The following FKTN variants were observed in gnomAD, a reference collection of about 807,000 sequenced individuals.
FKTN encodes the protein ribitol-5-phosphate transferase FKTN.
Under a neutral mutation model 58.6 loss-of-function variants are expected in FKTN, and 47 were observed. The observed-to-expected ratio is 0.80, with a 90% CI of 0.63 to 1.02. The LOEUF (loss-of-function observed/expected upper bound fraction) is 1.02, where lower values mean the gene tolerates loss of function less well. Among genes scored for constraint, FKTN ranks in the 50% least tolerant of loss-of-function variants. The probability of loss-of-function intolerance (pLI) is 0.00; values close to 1 mark genes in which losing one functional copy is unlikely to be tolerated. For missense variants in FKTN, 516 were observed against 537.3 expected (o/e 0.96, Z 0.39); for synonymous variants, 178 against 191.9 (o/e 0.93, Z 0.60).
rs76300955 is a variant in FKTN at position 105,586,578 on chromosome 9, A to G, written c.106-10020A>G. On this transcript the variant is annotated intron_variant, in intron 3 of 10. Coordinates refer to ENST00000357998, the MANE Select transcript of FKTN (RefSeq NM_001079802.2). ...GATAAATAGAACACAGGCCCTACTC[A>G]TGAAACTCATAATTTGATAGACATG... is the stretch of plus-strand genomic sequence containing the variant. Among the ~76,000 whole-genome samples the G allele has an allele frequency of 9.1e-3, 1,383 of 152,360 alleles. 22 individuals carry two copies. Among genetic ancestry groups the G allele is most frequent in the African/African-American group, 0.032 (1,325 of 41,590 alleles).
chr9:105,561,500 A>G (rs756502439), intron 1 of FKTN, among the ~76,000 whole-genome samples: 1 of 152,166 alleles, frequency 6.6e-6, no homozygotes, highest in Non-Finnish European at 1.5e-5. Context: ...CCCAAAGACA[A>G]TCCTTGCTGT....
At chr9:105,620,094 TA>T in intron 10 of FKTN, 33 bp downstream of exon 10, 1 of 1,568,704 alleles carries the variant, frequency 6.4e-7, no homozygotes, top group Non-Finnish European at 8.8e-7. Context: ...TTTATAAAGG[TA>T]CTACAGAAAT....
Position 105,601,324 on chromosome 9 carries a change from G to A in FKTN, c.345G>A (p.Leu115=). Reference sequence around the variant, plus strand: ...CAAGAGACTTTACTGCATTTGCACTGCAGTATCACCTATGGAAGAATGAGG... The same window carrying A: ...CAAGAGACTTTACTGCATTTGCACTACAGTATCACCTATGGAAGAATGAGG... ...CVPRDFTAFA[L]QYHLWKNEEG... is the part of the protein sequence containing the mutation. Residue 115 remains leucine (L), a synonymous_variant, in exon 5 of 11, where the codon CTG becomes CTA. Coordinates refer to ENST00000357998, the MANE Select transcript of FKTN (RefSeq NM_001079802.2). The A allele has an allele frequency of 6.2e-7, 1 of 1,608,604 alleles. No individual in the cohort carries two copies. The highest frequency in any genetic ancestry group is 8.5e-7 in the Non-Finnish European group (1 of 1,177,332).
intron 1 of FKTN, among the ~76,000 whole-genome samples, chr9:105,564,040 A>G (rs367984332): frequency 1.3e-5 from 2 of 152,178 alleles, no homozygotes; most frequent in South Asian, 2.1e-4. Flanking sequence ...GGCAAACAGG[A>G]TCTGGAGTGG....
In FKTN at chr9:105,607,737, G is replaced by A. The variant is rs191273380; in HGVS notation, c.648-82G>A. 6 of 1,240,772 alleles carry A rather than the reference G, an allele frequency of 4.8e-6. No individual in the cohort carries two copies. The African/African-American group carries it at 7.4e-5, about 15-fold the overall frequency. The allele number at this position is 1,240,772 out of a possible 1,614,324, so 76.9% of individuals were successfully genotyped here. A position where few individuals can be genotyped will look rare whatever the true frequency, so the allele number is the denominator to read the frequency against. On this transcript the variant is annotated intron_variant, in intron 6 of 10. Coordinates refer to ENST00000357998, the MANE Select transcript of FKTN (RefSeq NM_001079802.2). ...ACCTGTTATCTAGGTTTTAAGCTCT[G>A]CACGCATTAGGTATTTGTCCTAATG...
At chr9:105,610,723 T>C (rs772520280) in intron 7 of FKTN, among the ~76,000 whole-genome samples, 9 of 152,002 alleles carry the variant, frequency 5.9e-5, no homozygotes, top group Non-Finnish European at 1.3e-4. Flanking sequence ...GACACTCTCC[T>C]ACTCTCTTCA....
At chr9:105,617,457 T>C (rs1211400934) in intron 8 of FKTN, among the ~76,000 whole-genome samples, 2 of 152,222 alleles carry the variant, frequency 1.3e-5, no homozygotes, top group Admixed American at 1.3e-4. Context: ...GAAAAATATA[T>C]TGGTTAAGCA....
At chr9:105,605,400 T>G (rs1366308311) in intron 6 of FKTN, among the ~76,000 whole-genome samples, 1 of 152,208 alleles carries the variant, frequency 6.6e-6, no homozygotes. Context: ...AATTATGAAC[T>G]AATCTTTAAA....
At chr9:105,587,519 G>T in intron 3 of FKTN, among the ~76,000 whole-genome samples, 1 of 152,066 alleles carries the variant, frequency 6.6e-6, no homozygotes, top group East Asian at 1.9e-4. Flanking sequence ...TCACTTTTGG[G>T]CTTCTTCCAT....
chr9:105,565,149 C>T (rs74492526), intron 1 of FKTN, among the ~76,000 whole-genome samples: 1 of 152,106 alleles, frequency 6.6e-6, no homozygotes, highest in Non-Finnish European at 1.5e-5. Flanking sequence ...CTGAAGGGAG[C>T]ACTAAACATG....
chr9:105,562,679 G>A (rs1838518464), intron 1 of FKTN, among the ~76,000 whole-genome samples: 1 of 152,174 alleles, frequency 6.6e-6, no homozygotes, highest in Non-Finnish European at 1.5e-5. Context: ...AGGTTAAACT[G>A]TAAACTAAAT....
chr9:105,594,995 T>C (rs541241943), intron 3 of FKTN, among the ~76,000 whole-genome samples: 32 of 152,314 alleles, frequency 2.1e-4, no homozygotes, highest in Admixed American at 5.9e-4. Flanking sequence ...AATGGAATAT[T>C]AGCCATAAAA....
chr9:105,597,754 A>G (rs569388106), intron 4 of FKTN, among the ~76,000 whole-genome samples: 68 of 152,252 alleles, frequency 4.5e-4, no homozygotes, highest in African/African-American at 1.3e-3. Context: ...AACAGGGGTG[A>G]TCTTTCATAC....
At position 105,596,645 on chromosome 9, in the gene FKTN, T is replaced by G. The variant is rs376468584; in HGVS notation, c.153T>G (p.Asp51Glu). 2.5e-6 allele frequency: 4 copies of G among 1,607,736 alleles called. No individual in the cohort carries two copies. The highest frequency in any genetic ancestry group is 3.4e-6 in the Non-Finnish European group (4 of 1,174,464). The change falls in exon 4 of 11, where the codon GAT becomes GAG. Residue 51 changes from aspartate (D) to glutamate (E), a missense_variant. By Grantham distance (45) the Asp-to-Glu change is conservative. Coordinates refer to ENST00000357998, the MANE Select transcript of FKTN (RefSeq NM_001079802.2). Reference protein sequence around the residue: ...SKSKGSRIGFDSTQWRAVKKF... With the variant: ...SKSKGSRIGFESTQWRAVKKF... ...CCAAAGGAAGCCGAATTGGATTTGA[T>G]AGCACACAGTGGGTATGTAGAATAA...
intron 3 of FKTN, among the ~76,000 whole-genome samples, chr9:105,588,831 A>C (rs1294369536): frequency 3.3e-5 from 5 of 152,246 alleles, no homozygotes; most frequent in African/African-American, 1.2e-4. Flanking sequence ...TTGGGGAGGC[A>C]GACCTTTATG....
At chr9:105,624,311 A>G (rs1008977354) in intron 10 of FKTN, 1 of 152,146 alleles carries the variant, frequency 6.6e-6, no homozygotes, top group African/African-American at 2.4e-5. Flanking sequence ...CAGGTCAGTC[A>G]TTAGTAGCAA....
intron 3 of FKTN, among the ~76,000 whole-genome samples, chr9:105,577,614 C>A (rs986913182): frequency 6.7e-6 from 1 of 149,180 alleles, no homozygotes; most frequent in African/African-American, 2.5e-5. Context: ...ATGCCTCCAG[C>A]TTTGTTCTTT....
At chr9:105,600,873 ACTGGT>A in intron 4 of FKTN, 1 of 275,570 alleles carries the variant, frequency 3.6e-6, no homozygotes, top group Non-Finnish European at 6.9e-6. Context: ...TTTGTAGCTT[ACTGGT>A]CTGTACTTTT....
At chr9:105,619,464 A>C (rs1831466260) in intron 9 of FKTN, among the ~76,000 whole-genome samples, 1 of 151,988 alleles carries the variant, frequency 6.6e-6, no homozygotes, top group East Asian at 1.9e-4. Flanking sequence ...TCTTTTTTCC[A>C]TGTGTGTAGT....
Sources: gnomAD v4.1 joint callset for allele counts (sites outside exome capture counted in the v4.1 genomes callset) on GRCh38, gnomAD v4.1.1 for gene constraint, MANE v1.5 for transcripts, NCBI Gene and HGNC (gene_info 2026-07-23, HGNC 2026-07-21) for gene names.